The following SASH1 variants were observed in gnomAD, a reference collection of about 807,000 sequenced individuals.
SASH1 encodes the protein SAM and SH3 domain-containing protein 1.
SASH1 carries 44 observed loss-of-function variants against 125.2 expected under a neutral mutation model. That is an observed-to-expected ratio of 0.35 (90% CI 0.28 to 0.45). SASH1 has a LOEUF of 0.45. Among genes scored for constraint, SASH1 ranks in the 20% least tolerant of loss-of-function variants. The pLI is 1.00. For missense variants in SASH1, 1,426 were observed against 1,614.5 expected, an observed-to-expected ratio of 0.88 and a Z score of 2.00; for synonymous variants, 639 against 649.1, an observed-to-expected ratio of 0.98 and a Z score of 0.24.
At chr6:148,373,249 T>A (rs1782766265) in intron 1 of SASH1, among the ~76,000 whole-genome samples, 1 of 151,888 alleles carries the variant, frequency 6.6e-6, no homozygotes, top group African/African-American at 2.4e-5. Context: ...GAGCTGCAAT[T>A]TTAGACATGA....
At chr6:148,311,331 T>G (rs1364281550) in intron 1 of SASH1, among the ~76,000 whole-genome samples, 1 of 150,560 alleles carries the variant, frequency 6.6e-6, no homozygotes, top group Non-Finnish European at 1.5e-5. Context: ...CATCTCAAAC[T>G]CCTGACCTTG....
chr6:148,527,387 T>A, intron 11 of SASH1, 66 bp from the exon 12 acceptor site: 1 of 1,432,712 alleles, frequency 7.0e-7, no homozygotes, highest in Non-Finnish European at 9.3e-7. Flanking sequence ...ATGTTAATGG[T>A]TTAAATAATA....
chr6:148,208,714 T>C, the SASH1 span, among the ~76,000 whole-genome samples: 1 of 152,224 alleles, frequency 6.6e-6, no homozygotes, highest in African/African-American at 2.4e-5. Context: ...CTGTTTGTTA[T>C]TTTACTTCTG....
intron 1 of SASH1, among the ~76,000 whole-genome samples, chr6:148,364,834 T>C (rs993862843): frequency 1.3e-5 from 2 of 151,994 alleles, no homozygotes; most frequent in Admixed American, 6.6e-5. Context: ...ACAAAAATTT[T>C]CCCTCCGGCC....
the SASH1 span, among the ~76,000 whole-genome samples, chr6:148,217,432 A>G: frequency 6.6e-6 from 1 of 152,240 alleles, no homozygotes; most frequent in Non-Finnish European, 1.5e-5. Flanking sequence ...AAAGTGCTTT[A>G]CCATGTTATC....
At chr6:148,374,596 A>C (rs1192577826) in intron 1 of SASH1, among the ~76,000 whole-genome samples, 1 of 152,188 alleles carries the variant, frequency 6.6e-6, no homozygotes, top group African/African-American at 2.4e-5. Flanking sequence ...CCCTGTGTAG[A>C]ATGTGACACA....
chr6:148,487,385 C>G (rs1778923119), intron 7 of SASH1, among the ~76,000 whole-genome samples: 2 of 151,938 alleles, frequency 1.3e-5, no homozygotes, highest in African/African-American at 4.8e-5. Flanking sequence ...GATGAAAACC[C>G]ATAGGGCAGG....
intron 7 of SASH1, among the ~76,000 whole-genome samples, chr6:148,482,524 C>CT (rs766327821): frequency 9.8e-4 from 139 of 141,850 alleles, no homozygotes; most frequent in Non-Finnish European, 9.6e-4. Flanking sequence ...GCATGGTGAA[C>CT]TTTTTTTTTT....
the SASH1 span, among the ~76,000 whole-genome samples, chr6:148,207,797 T>C: frequency 6.6e-6 from 1 of 152,180 alleles, no homozygotes; most frequent in Admixed American, 6.5e-5. Flanking sequence ...AAGATTCAGG[T>C]TCAGTGTAAG....
At chr6:148,353,435 A>ATTTTTTTTT (rs377513066) in intron 1 of SASH1, among the ~76,000 whole-genome samples, 1 of 108,812 alleles carries the variant, frequency 9.2e-6, no homozygotes, top group Non-Finnish European at 1.8e-5. Context: ...TTTAAGATTG[A>ATTTTTTTTT]TTTTTTTTTT....
chr6:148,533,208 C>G lies in SASH1; in HGVS notation c.1734+242C>G, dbSNP rs1410489362. Among the ~76,000 whole-genome samples the G allele has an allele frequency of 6.6e-6, 1 of 152,170 alleles. No individual in the cohort carries two copies. The highest frequency in any genetic ancestry group is 2.4e-5 in the African/African-American group (1 of 41,444). ...CATCACTTCACCCCTCTGACCTCAG[C>G]TTCCCTCTAGAATTCCTGTTGCACA... On this transcript the variant is annotated intron_variant, in intron 14 of 19. Coordinates refer to ENST00000367467, the MANE Select transcript of SASH1 (RefSeq NM_015278.5). The surrounding 1 kb of genome is among the most constrained non-coding windows in gnomAD (Gnocchi z 6.2).
At chr6:148,385,316 GA>G (rs953037940) in intron 1 of SASH1, among the ~76,000 whole-genome samples, 2 of 152,176 alleles carry the variant, frequency 1.3e-5, no homozygotes, top group African/African-American at 4.8e-5. Flanking sequence ...GTTATTGGGG[GA>G]GTTTTGAGTG....
At chr6:148,334,084 A>G (rs1435215643) in intron 1 of SASH1, among the ~76,000 whole-genome samples, 1 of 148,876 alleles carries the variant, frequency 6.7e-6, no homozygotes, top group African/African-American at 2.5e-5. Context: ...GGCCTCCCAA[A>G]GTGCTGGGAT....
chr6:148,357,614 G>A (rs986152519), intron 1 of SASH1, among the ~76,000 whole-genome samples: 6 of 152,124 alleles, frequency 3.9e-5, no homozygotes, highest in Non-Finnish European at 8.8e-5. Context: ...ATTCCAAGGT[G>A]GTGGAGAGAA....
intron 4 of SASH1, among the ~76,000 whole-genome samples, chr6:148,462,072 C>T (rs1207279128): frequency 6.6e-6 from 1 of 151,996 alleles, no homozygotes; most frequent in Non-Finnish European, 1.5e-5. Flanking sequence ...TACTGGCTTT[C>T]GGGACTGCCT....
At chr6:148,353,057 T>A (rs1337054744) in intron 1 of SASH1, among the ~76,000 whole-genome samples, 1 of 152,098 alleles carries the variant, frequency 6.6e-6, no homozygotes, top group Admixed American at 6.6e-5. Context: ...TTTATTTTAA[T>A]CTTTTTAATT....
the SASH1 span, among the ~76,000 whole-genome samples, chr6:148,266,042 A>G: frequency 1.3e-4 from 20 of 151,274 alleles, no homozygotes; most frequent in Non-Finnish European, 2.8e-4. Flanking sequence ...GCACAATCTC[A>G]GCTCACTGCA....
chr6:148,531,752 A>AAGACCAAGTCCTGCCCTTCAGGTGCT, intron 13 of SASH1, 91 bp downstream of exon 13: 4 of 1,087,614 alleles, frequency 3.7e-6, no homozygotes, highest in Non-Finnish European at 4.8e-6. Flanking sequence ...CAAGGTGAAT[A>AAGACCAAGTCCTGCCCTTCAGGTGCT]AGACCAAGTC....
chr6:148,299,566 C>G (rs1453546844), intron 1 of SASH1, among the ~76,000 whole-genome samples: 1 of 150,956 alleles, frequency 6.6e-6, no homozygotes, highest in East Asian at 2.0e-4. Flanking sequence ...ACTCGGGGGG[C>G]TCAGGAAGGA....
Sources: gnomAD v4.1 joint callset for allele counts (sites outside exome capture counted in the v4.1 genomes callset) on GRCh38, gnomAD v4.1.1 for gene constraint, Gnocchi (gnomAD v3.1) non-coding constraint, MANE v1.5 for transcripts, NCBI Gene and HGNC (gene_info 2026-07-23, HGNC 2026-07-21) for gene names.